Variants in PAX5 observed in about 807,000 individuals in gnomAD.
The protein encoded by PAX5 is paired box 5, also known as paired box protein Pax-5.
PAX5 carries 9 observed loss-of-function variants against 43.7 expected under a neutral mutation model. The observed-to-expected ratio is 0.21, with a 90% CI of 0.12 to 0.36. The LOEUF (loss-of-function observed/expected upper bound fraction) is 0.36. Among genes scored for constraint, PAX5 ranks in the 10% least tolerant of loss-of-function variants. The pLI is 1.00. For synonymous variants in PAX5, 228 were observed against 214.3 expected, an observed-to-expected ratio of 1.06 and a Z score of -0.56; for missense variants, 383 against 532.7, an observed-to-expected ratio of 0.72 and a Z score of 2.77.
intron 6 of PAX5, among the ~76,000 whole-genome samples, chr9:36,939,894 C>T (rs1026332893): frequency 1.3e-5 from 2 of 151,302 alleles, no homozygotes; most frequent in African/African-American, 4.9e-5. Context: ...GCCCAGTGTC[C>T]TCGTGGCCAC....
intron 6 of PAX5, among the ~76,000 whole-genome samples, chr9:36,938,481 T>G (rs7043137): frequency 0.034 from 5,223 of 152,198 alleles, 284 homozygotes; most frequent in African/African-American, 0.12. Context: ...TAAAACTGCT[T>G]GCTAGAAATA....
chr9:37,033,200 G>T (rs1322245245), intron 1 of PAX5, among the ~76,000 whole-genome samples: 3 of 152,210 alleles, frequency 2.0e-5, no homozygotes, highest in Admixed American at 6.5e-5. Context: ...ACACCAAGAG[G>T]CTGCATGCCC....
chr9:36,970,867 GC>G (rs1222879574), intron 5 of PAX5, among the ~76,000 whole-genome samples: 6 of 152,128 alleles, frequency 3.9e-5, no homozygotes, highest in African/African-American at 1.4e-4. Flanking sequence ...CATCCCCTGG[GC>G]CCTTCACTCC....
chr9:36,876,702 T>G (rs1435802703), intron 8 of PAX5, among the ~76,000 whole-genome samples: 1 of 152,252 alleles, frequency 6.6e-6, no homozygotes, highest in East Asian at 1.9e-4. Context: ...AACTGTTTCC[T>G]TTCTAAGCTG....
At chr9:36,909,404 C>T (rs1587939906) in intron 7 of PAX5, among the ~76,000 whole-genome samples, 1 of 152,218 alleles carries the variant, frequency 6.6e-6, no homozygotes, top group East Asian at 1.9e-4. Flanking sequence ...CCAGGCCCTT[C>T]CCAGCGGGTG....
chr9:36,874,012 CCT>C (rs1825709651), intron 8 of PAX5, among the ~76,000 whole-genome samples: 1 of 152,208 alleles, frequency 6.6e-6, no homozygotes, highest in African/African-American at 2.4e-5. Flanking sequence ...GGCCCCCACC[CCT>C]AAGCCTGCAT....
At chr9:36,887,482 T>A (rs1827001402) in intron 7 of PAX5, among the ~76,000 whole-genome samples, 1 of 152,072 alleles carries the variant, frequency 6.6e-6, no homozygotes, top group Admixed American at 6.6e-5. Context: ...CCACCATATA[T>A]AAGAATAAAC....
intron 6 of PAX5, among the ~76,000 whole-genome samples, chr9:36,962,863 G>A (rs1002260567): frequency 6.6e-6 from 1 of 152,082 alleles, no homozygotes; most frequent in Non-Finnish European, 1.5e-5. Context: ...CAGCCTCCGC[G>A]GCCAGCACCT....
chr9:36,966,857 G>A (rs1834487770), intron 5 of PAX5, 133 bp from the exon 6 acceptor site: 2 of 749,778 alleles, frequency 2.7e-6, no homozygotes, highest in South Asian at 1.8e-5. Context: ...ACCAGCAGGG[G>A]CTCAGGTAAG....
chr9:36,961,640 A>G (rs1010960999), intron 6 of PAX5, among the ~76,000 whole-genome samples: 11 of 152,250 alleles, frequency 7.2e-5, no homozygotes, highest in Admixed American at 1.3e-4. Context: ...CCAGATTAAT[A>G]GCCTGGTGTT....
At chr9:36,989,190 G>C (rs1297486587) in intron 5 of PAX5, among the ~76,000 whole-genome samples, 1 of 152,226 alleles carries the variant, frequency 6.6e-6, no homozygotes, top group Admixed American at 6.5e-5. Context: ...AGCCAGACAG[G>C]ATAATGGGGG....
At chr9:36,975,680 C>A (rs184118602) in intron 5 of PAX5, among the ~76,000 whole-genome samples, 1 of 152,302 alleles carries the variant, frequency 6.6e-6, no homozygotes, top group Admixed American at 6.5e-5. Flanking sequence ...CCACCACGCC[C>A]AGCCTTGAGC....
chr9:36,879,635 G>A (rs7850690), intron 8 of PAX5, among the ~76,000 whole-genome samples: 126,177 of 152,186 alleles, frequency 0.83, 52,429 homozygotes, highest in Admixed American at 0.88. Context: ...ACAGCCCCCC[G>A]GAAATTCCCT....
chr9:36,906,108 G>A (rs563771459), intron 7 of PAX5, among the ~76,000 whole-genome samples: 1 of 152,296 alleles, frequency 6.6e-6, no homozygotes, highest in Non-Finnish European at 1.5e-5. Flanking sequence ...GCTCAAGGAG[G>A]CTTTTATATT....
At chr9:36,902,667 C>A (rs1396117855) in intron 7 of PAX5, among the ~76,000 whole-genome samples, 2 of 152,166 alleles carry the variant, frequency 1.3e-5, no homozygotes, top group African/African-American at 4.8e-5. Context: ...GGCTCCATGG[C>A]CTTAGGCTGG....
intron 6 of PAX5, among the ~76,000 whole-genome samples, chr9:36,951,051 T>C (rs1832966186): frequency 6.6e-6 from 1 of 152,150 alleles, no homozygotes; most frequent in Non-Finnish European, 1.5e-5. Flanking sequence ...TTCTTTTCTA[T>C]AGGCCAGCCA....
At chr9:36,903,841 TATC>T (rs766279669) in intron 7 of PAX5, among the ~76,000 whole-genome samples, 1 of 152,214 alleles carries the variant, frequency 6.6e-6, no homozygotes, top group Non-Finnish European at 1.5e-5. Flanking sequence ...GAAATCCACC[TATC>T]AGCTCTGTTC....
At chr9:36,842,197 C>T (rs1487953468) in intron 9 of PAX5, among the ~76,000 whole-genome samples, 3 of 152,206 alleles carry the variant, frequency 2.0e-5, no homozygotes, top group African/African-American at 7.2e-5. Flanking sequence ...GACTCAGAGA[C>T]CCCTGTCAGC....
rs1826552444 is a variant in PAX5, at chr9:36,882,671, A to G, written c.911-566T>C. ...AGTCCCATATCTGGCCTAGTACTGA[A>G]TTTTTCCTCCTTTGGCCTAGAGCTG... On this transcript the variant is annotated intron_variant, in intron 7 of 9. Transcript: ENST00000358127. This position sits in a 1 kb window ranked among gnomAD's most constrained non-coding sequence, Gnocchi z 4.4. 6.6e-6 allele frequency among the ~76,000 whole-genome samples: 1 copy of G among 152,130 alleles called. No homozygotes were observed. The highest frequency in any genetic ancestry group is 2.4e-5 in the African/African-American group (1 of 41,412).
Sources: allele counts gnomAD v4.1 joint callset (sites outside exome capture counted in the v4.1 genomes callset), GRCh38; gene constraint gnomAD v4.1.1; non-coding constraint Gnocchi (gnomAD v3.1); transcripts MANE v1.5; gene names NCBI Gene and HGNC (gene_info 2026-07-23, HGNC 2026-07-21).